The following CALN1 variants were observed in gnomAD, a reference collection of about 807,000 sequenced individuals.
CALN1 encodes the protein calneuron 1.
In CALN1, 17 loss-of-function variants were observed where a neutral mutation model predicts 30.6. The ratio of observed to expected loss-of-function variants is 0.56; its 90% CI spans 0.38 to 0.83. CALN1 has a LOEUF of 0.83. Among genes scored for constraint, CALN1 ranks in the 40% least tolerant of loss-of-function variants. CALN1 has a pLI of 0.00. For synonymous variants in CALN1, 156 were observed against 131.4 expected, an observed-to-expected ratio of 1.19 and a Z score of -1.28; for missense variants, 291 against 354.9, an observed-to-expected ratio of 0.82 and a Z score of 1.45.
At chr7:72,467,729 A>T in the CALN1 span, among the ~76,000 whole-genome samples, 1 of 152,212 alleles carries the variant, frequency 6.6e-6, no homozygotes. Flanking sequence ...TTTAAAAAAT[A>T]TATTTTTATG....
intron 3 of CALN1, among the ~76,000 whole-genome samples, chr7:72,190,193 TA>T (rs971924494): frequency 1.3e-5 from 2 of 152,132 alleles, no homozygotes; most frequent in Admixed American, 6.5e-5. Context: ...CCGTCTCTAC[TA>T]AAAACATACA....
At chr7:72,263,190 T>C (rs1288403232) in intron 3 of CALN1, among the ~76,000 whole-genome samples, 1 of 152,100 alleles carries the variant, frequency 6.6e-6, no homozygotes, top group Non-Finnish European at 1.5e-5. Context: ...TCCCATACTG[T>C]GTGTATTTGG....
intron 3 of CALN1, among the ~76,000 whole-genome samples, chr7:72,201,539 T>C (rs150005365): frequency 3.1e-4 from 47 of 150,870 alleles, no homozygotes; most frequent in African/African-American, 1.0e-3. Flanking sequence ...TGCAGTGAGC[T>C]GAGATTGTGC....
intron 5 of CALN1, chr7:71,913,782 C>A (rs1187300012): frequency 1.3e-5 from 2 of 152,272 alleles, no homozygotes; most frequent in Non-Finnish European, 2.9e-5. Flanking sequence ...CATCCATGCA[C>A]TAACCAGGTC....
At chr7:71,949,824 C>G (rs1043136133) in intron 5 of CALN1, among the ~76,000 whole-genome samples, 1 of 151,476 alleles carries the variant, frequency 6.6e-6, no homozygotes. Context: ...TGCAGTGGCA[C>G]GATCTTGGCT....
intron 2 of CALN1, among the ~76,000 whole-genome samples, chr7:72,304,861 T>G (rs950356942): frequency 5.3e-5 from 8 of 152,186 alleles, no homozygotes; most frequent in Admixed American, 2.0e-4. Context: ...ATTTAGTTGT[T>G]TAACCTCTCC....
chr7:71,965,751 A>C (rs1797500303), intron 5 of CALN1, among the ~76,000 whole-genome samples: 2 of 151,010 alleles, frequency 1.3e-5, no homozygotes, highest in Admixed American at 1.3e-4. Context: ...TGACCACTTA[A>C]AATATTTCAC....
intron 5 of CALN1, among the ~76,000 whole-genome samples, chr7:71,916,798 A>G (rs1300489299): frequency 6.6e-6 from 1 of 152,138 alleles, no homozygotes; most frequent in East Asian, 1.9e-4. Flanking sequence ...CTGGAACTTA[A>G]AATAAAAGTT....
At chr7:72,138,023 TA>T in intron 3 of CALN1, among the ~76,000 whole-genome samples, 1 of 152,328 alleles carries the variant, frequency 6.6e-6, no homozygotes, top group African/African-American at 2.4e-5. Flanking sequence ...AGTAAAATAG[TA>T]AAATGAAAAT....
At chr7:72,000,364 A>C (rs1361505212) in intron 5 of CALN1, among the ~76,000 whole-genome samples, 1 of 152,184 alleles carries the variant, frequency 6.6e-6, no homozygotes, top group Non-Finnish European at 1.5e-5. Context: ...ATATCCTGCA[A>C]CCATTAAGAA....
rs370605620 is a variant in CALN1 at position 72,227,740 on chromosome 7, TAA to T, written c.244+50944_244+50945del. On this transcript the variant is annotated intron_variant, in intron 3 of 6. Coordinates refer to ENST00000395275, the MANE Select transcript of CALN1 (RefSeq NM_031468.4). ...GCACAAGTACCCTCTGAATCTAAAA[TAA>T]AAAGTTACAAAAAAGGAGAATCACT... Among the ~76,000 whole-genome samples, 392 of 150,772 alleles carry T rather than the reference TAA, an allele frequency of 2.6e-3. 2 individuals are homozygous for T. Among genetic ancestry groups the T allele is most frequent in the African/African-American group, 8.5e-3 (349 of 41,000 alleles).
chr7:72,403,436 T>A lies in CALN1; in HGVS notation c.-67A>T. The A allele has an allele frequency of 7.7e-7, 1 of 1,297,850 alleles. No homozygotes were observed. The highest frequency in any genetic ancestry group is 1.1e-6 in the Non-Finnish European group (1 of 943,116). The allele number at this position is 1,297,850 out of a possible 1,614,324, so 80.4% of individuals were successfully genotyped here. A position where few individuals can be genotyped will look rare whatever the true frequency, so the allele number is the denominator to read the frequency against. On this transcript the variant is annotated 5_prime_UTR_variant, in exon 2 of 7. Transcript: ENST00000395275. The stretch of plus-strand genomic sequence containing the variant: ...ATCAAAGGAACGTCAGCGAAGGCAC[T>A]GAGACTCTGAAAGGAGTTGACAGAA...
intron 6 of CALN1, among the ~76,000 whole-genome samples, chr7:71,789,978 C>G (rs1482512697): frequency 6.6e-6 from 1 of 151,844 alleles, no homozygotes; most frequent in Admixed American, 6.6e-5. Flanking sequence ...TTGGTGCATG[C>G]CTATAGTCCC....
the CALN1 span, among the ~76,000 whole-genome samples, chr7:72,482,859 A>G: frequency 3.9e-5 from 6 of 152,090 alleles, no homozygotes; most frequent in Admixed American, 3.3e-4. Context: ...TTTCCTCCTG[A>G]AAAAATTTCT....
chr7:72,122,172 TC>T (rs1563076869), intron 3 of CALN1, among the ~76,000 whole-genome samples: 1 of 152,046 alleles, frequency 6.6e-6, no homozygotes, highest in Non-Finnish European at 1.5e-5. Flanking sequence ...GTGGAATGTA[TC>T]CGTGAACAAC....
At chr7:72,344,205 G>A (rs1415926329) in intron 2 of CALN1, among the ~76,000 whole-genome samples, 2 of 152,052 alleles carry the variant, frequency 1.3e-5, no homozygotes, top group Admixed American at 6.6e-5. Context: ...CCCAGAGAAG[G>A]CTACAGATTC....
At chr7:72,060,790 C>T (rs1319721011) in intron 4 of CALN1, among the ~76,000 whole-genome samples, 1 of 152,142 alleles carries the variant, frequency 6.6e-6, no homozygotes, top group Non-Finnish European at 1.5e-5. Context: ...CTTTGTGACA[C>T]ACCAGCTCTA....
At chr7:72,374,298 G>A (rs1804414466) in intron 2 of CALN1, among the ~76,000 whole-genome samples, 1 of 152,174 alleles carries the variant, frequency 6.6e-6, no homozygotes, top group Non-Finnish European at 1.5e-5. Flanking sequence ...GGAGGCCGAG[G>A]CAGACAGATC....
chr7:72,244,484 GA>G (rs1212806852), intron 3 of CALN1, among the ~76,000 whole-genome samples: 1 of 151,112 alleles, frequency 6.6e-6, no homozygotes, highest in Non-Finnish European at 1.5e-5. Context: ...ATATAAACAA[GA>G]AAACAGAAAA....
Sources: gnomAD v4.1 joint callset for allele counts (sites outside exome capture counted in the v4.1 genomes callset) on GRCh38, gnomAD v4.1.1 for gene constraint, MANE v1.5 for transcripts, NCBI Gene and HGNC (gene_info 2026-07-23, HGNC 2026-07-21) for gene names.